The following DEFB123 variants were observed in gnomAD, a reference collection of about 807,000 sequenced individuals.
DEFB123 encodes the protein defensin beta 123, also known as beta-defensin 123.
For synonymous variants in DEFB123, 22 were observed against 28.3 expected (o/e 0.78, Z 0.71); for missense variants, 71 against 75.0 (o/e 0.95, Z 0.20).
At chr20:31,443,196 C>T (rs1979508242) in intron 1 of DEFB123, among the ~76,000 whole-genome samples, 1 of 152,118 alleles carries the variant, frequency 6.6e-6, no homozygotes, top group South Asian at 2.1e-4. Context: ...CCCACTGACT[C>T]GACCCTTCAT....
intron 1 of DEFB123, among the ~76,000 whole-genome samples, chr20:31,448,482 A>G (rs1276662350): frequency 6.6e-6 from 1 of 151,764 alleles, no homozygotes; most frequent in Non-Finnish European, 1.5e-5. Context: ...TATTCCAATT[A>G]TATGCATGTT....
chr20:31,443,120 T>C (rs1056992999), intron 1 of DEFB123, among the ~76,000 whole-genome samples: 5 of 152,200 alleles, frequency 3.3e-5, no homozygotes, highest in Non-Finnish European at 7.3e-5. Flanking sequence ...ATGTGGTTAG[T>C]AGCGTCCTGC....
intron 1 of DEFB123, among the ~76,000 whole-genome samples, chr20:31,446,069 C>G (rs1362911006): frequency 6.6e-6 from 1 of 152,196 alleles, no homozygotes; most frequent in African/African-American, 2.4e-5. Flanking sequence ...CACTAGCAGT[C>G]TGACGGTCAG....
At chr20:31,449,621 G>C (rs1979684602) in intron 1 of DEFB123, among the ~76,000 whole-genome samples, 1 of 151,812 alleles carries the variant, frequency 6.6e-6, no homozygotes, top group Non-Finnish European at 1.5e-5. Context: ...CTACAGGGTG[G>C]GCCAGGCATA....
intron 1 of DEFB123, among the ~76,000 whole-genome samples, chr20:31,446,826 A>G (rs1979596195): frequency 6.6e-6 from 1 of 151,936 alleles, no homozygotes; most frequent in Non-Finnish European, 1.5e-5. Context: ...CCGCAGTACA[A>G]TGCTGTTATT....
chr20:31,447,089 C>A (rs1316383838), intron 1 of DEFB123, among the ~76,000 whole-genome samples: 1 of 151,920 alleles, frequency 6.6e-6, no homozygotes, highest in Middle Eastern at 3.4e-3. Context: ...ATGGAGAAAC[C>A]CCGTCTCTAC....
intron 1 of DEFB123, among the ~76,000 whole-genome samples, chr20:31,446,582 T>C (rs1001578778): frequency 3.3e-4 from 50 of 152,242 alleles, no homozygotes; most frequent in African/African-American, 1.1e-3. Flanking sequence ...AGGCTCACAC[T>C]GGCTATCTGG....
intron 1 of DEFB123, among the ~76,000 whole-genome samples, chr20:31,449,481 A>G (rs1979681163): frequency 6.6e-6 from 1 of 152,178 alleles, no homozygotes; most frequent in Admixed American, 6.6e-5. Flanking sequence ...AGGTGGAAAC[A>G]CAAGCTATTC....
At chr20:31,450,002 G>A in intron 1 of DEFB123, 27 bp from the exon 2 acceptor site, 1 of 1,597,616 alleles carries the variant, frequency 6.3e-7, no homozygotes, top group South Asian at 1.1e-5. Flanking sequence ...GACTGATACT[G>A]TCTCCCTTCT....
intron 1 of DEFB123, among the ~76,000 whole-genome samples, chr20:31,448,077 C>T (rs955288603): frequency 7.2e-5 from 11 of 151,960 alleles, no homozygotes; most frequent in Non-Finnish European, 1.2e-4. Context: ...TGAGCCACCA[C>T]GTCTGGCCTA....
chr20:31,447,677 C>T (rs1184811661), intron 1 of DEFB123, among the ~76,000 whole-genome samples: 1 of 149,308 alleles, frequency 6.7e-6, no homozygotes, highest in African/African-American at 2.5e-5. Flanking sequence ...AGTGCAGTGG[C>T]GTGACCACAG....
At chr20:31,448,400 T>A (rs1299819230) in intron 1 of DEFB123, among the ~76,000 whole-genome samples, 1 of 152,178 alleles carries the variant, frequency 6.6e-6, no homozygotes, top group Non-Finnish European at 1.5e-5. Flanking sequence ...AGAGTTTTCA[T>A]CAAACTTGAA....
At chr20:31,448,420 C>T (rs191381256) in intron 1 of DEFB123, among the ~76,000 whole-genome samples, 34 of 152,164 alleles carry the variant, frequency 2.2e-4, no homozygotes, top group Admixed American at 7.2e-4. Flanking sequence ...AATTTTTCAG[C>T]CATTATTACT....
At position 31,440,857 on chromosome 20, in the gene DEFB123, A is replaced by G. The variant is rs752918443; in HGVS notation, c.58+101A>G. ...GATGGGCTGCAGGTTGTCATCTAGCACCACGTATAGGAGGCAGGAGGCGCC... is the reference window on the plus strand; with the variant it reads ...GATGGGCTGCAGGTTGTCATCTAGCGCCACGTATAGGAGGCAGGAGGCGCC... On this transcript the variant is annotated intron_variant, in intron 1 of 1. Coordinates refer to ENST00000376309, the MANE Select transcript of DEFB123 (RefSeq NM_153324.4). The G allele has an allele frequency of 2.4e-5, 35 of 1,440,048 alleles. No homozygotes were observed. The African/African-American group carries it at 4.2e-4, about 17-fold the overall frequency. The allele number at this position is 1,440,048 out of a possible 1,614,324, so 89.2% of individuals were successfully genotyped here. A position where few individuals can be genotyped will look rare whatever the true frequency, so the allele number is the denominator to read the frequency against.
chr20:31,448,240 C>T (rs1979642303), intron 1 of DEFB123, among the ~76,000 whole-genome samples: 1 of 152,094 alleles, frequency 6.6e-6, no homozygotes, highest in South Asian at 2.1e-4. Context: ...ACCTTTTCTC[C>T]TATGTACATA....
intron 1 of DEFB123, among the ~76,000 whole-genome samples, chr20:31,446,288 C>T (rs1979583293): frequency 6.6e-6 from 1 of 152,224 alleles, no homozygotes; most frequent in Non-Finnish European, 1.5e-5. Context: ...GAATTAACAT[C>T]AGGCCTAGGC....
chr20:31,446,577 C>T, intron 1 of DEFB123, among the ~76,000 whole-genome samples: 1 of 152,230 alleles, frequency 6.6e-6, no homozygotes, highest in Admixed American at 6.5e-5. Flanking sequence ...TTCACAGGCT[C>T]ACACTGGCTA....
chr20:31,440,860 A>G (rs1979447418), intron 1 of DEFB123, 104 bp downstream of exon 1: 2 of 1,405,492 alleles, frequency 1.4e-6, no homozygotes, highest in Non-Finnish European at 2.0e-6. Context: ...ATCTAGCACC[A>G]CGTATAGGAG....
chr20:31,446,842 T>A (rs1202419669), intron 1 of DEFB123, among the ~76,000 whole-genome samples: 2 of 151,820 alleles, frequency 1.3e-5, no homozygotes, highest in African/African-American at 4.9e-5. Flanking sequence ...TTATTTTACT[T>A]TAAACAATTA....
Sources: allele counts gnomAD v4.1 joint callset (sites outside exome capture counted in the v4.1 genomes callset), GRCh38; gene constraint gnomAD v4.1.1; transcripts MANE v1.5; gene names NCBI Gene and HGNC (gene_info 2026-07-23, HGNC 2026-07-21).